Variants in TSPAN15 observed in about 807,000 individuals in gnomAD.
TSPAN15 encodes the protein tetraspanin 15, also known as tetraspanin-15.
Under a neutral mutation model 34.5 loss-of-function variants are expected in TSPAN15, and 20 were observed. That is an observed-to-expected ratio of 0.58 (90% CI 0.41 to 0.84). The LOEUF (loss-of-function observed/expected upper bound fraction) is 0.84, where lower values mean the gene tolerates loss of function less well. Ranked by LOEUF, TSPAN15 falls within the 40% of genes least tolerant of loss-of-function variation. The pLI, the probability that TSPAN15 is intolerant of heterozygous loss-of-function variation, is 0.00. For missense variants in TSPAN15, 313 were observed against 386.1 expected (o/e 0.81, Z 1.59); for synonymous variants, 155 against 153.9 (o/e 1.01, Z -0.05).
At chr10:69,539,473 A>G in the TSPAN15 span, among the ~76,000 whole-genome samples, 48 of 61,666 alleles carry the variant, frequency 7.8e-4, 2 homozygotes, top group African/African-American at 2.8e-3. Flanking sequence ...GGAGAAGGAG[A>G]AGGAGAAGGA....
the TSPAN15 span, among the ~76,000 whole-genome samples, chr10:69,530,818 CTCTATATATATATATATATATA>C: frequency 1.9e-4 from 8 of 42,560 alleles, no homozygotes; most frequent in African/African-American, 7.4e-4. Context: ...CTCTCTCTCT[CTCTATATATATATATATATATA>C]TATATATATA....
intron 5 of TSPAN15, among the ~76,000 whole-genome samples, chr10:69,503,719 C>T (rs1231212948): frequency 6.6e-6 from 1 of 152,098 alleles, no homozygotes; most frequent in Non-Finnish European, 1.5e-5. Context: ...ATGGGCTGGA[C>T]CAGGAAGTCT....
chr10:69,458,120 C>T (rs754999994), intron 1 of TSPAN15, among the ~76,000 whole-genome samples: 3 of 152,166 alleles, frequency 2.0e-5, no homozygotes, highest in East Asian at 3.9e-4. Flanking sequence ...CCTTTCCAGG[C>T]GCCATGTATG....
chr10:69,496,263 T>A (rs1589649707), intron 4 of TSPAN15, among the ~76,000 whole-genome samples: 1 of 151,434 alleles, frequency 6.6e-6, no homozygotes, highest in East Asian at 1.9e-4. Flanking sequence ...GTGATGATGA[T>A]CCTATTCCTT....
intron 4 of TSPAN15, among the ~76,000 whole-genome samples, chr10:69,498,049 A>G (rs1318199254): frequency 6.6e-6 from 1 of 152,088 alleles, no homozygotes; most frequent in African/African-American, 2.4e-5. Context: ...ATATCCCACC[A>G]AGAGGCAGCC....
the TSPAN15 span, among the ~76,000 whole-genome samples, chr10:69,521,719 G>A: frequency 6.8e-6 from 1 of 147,544 alleles, no homozygotes. Flanking sequence ...CTATCTCTTG[G>A]CCTTTTAGAC....
chr10:69,503,620 C>T (rs1842255485), intron 5 of TSPAN15, among the ~76,000 whole-genome samples: 1 of 152,162 alleles, frequency 6.6e-6, no homozygotes, highest in Admixed American at 6.5e-5. Flanking sequence ...GGGGGCTCTG[C>T]TGTTGCCCTC....
At chr10:69,537,315 A>G in the TSPAN15 span, among the ~76,000 whole-genome samples, 1 of 152,248 alleles carries the variant, frequency 6.6e-6, no homozygotes, top group African/African-American at 2.4e-5. Context: ...AAAATATAAT[A>G]TCTGAAGTCT....
At chr10:69,478,942 T>C (rs1241673833) in intron 1 of TSPAN15, among the ~76,000 whole-genome samples, 3 of 152,190 alleles carry the variant, frequency 2.0e-5, no homozygotes, top group African/African-American at 7.2e-5. Context: ...ACTACTTCAG[T>C]TTGTTGCCCA....
rs1004034511 is a variant in TSPAN15 at position 69,487,896 on chromosome 10, G to A, written c.357+2681G>A. Among the ~76,000 whole-genome samples the A allele has an allele frequency of 6.6e-5, 10 of 152,216 alleles. No individual in the cohort carries two copies. In the East Asian group the frequency reaches 1.9e-3, roughly 29 times the overall value. On this transcript the variant is annotated intron_variant, in intron 3 of 7. Coordinates refer to ENST00000373290, the MANE Select transcript of TSPAN15 (RefSeq NM_012339.5). ...GAAGGGTGCTCCTTCCCCTTGGGTGGTGTCCCCTCATGGGTAGGGCCTTGG... is the reference window on the plus strand; with the variant it reads ...GAAGGGTGCTCCTTCCCCTTGGGTGATGTCCCCTCATGGGTAGGGCCTTGG...
chr10:69,477,483 G>A (rs769523951), intron 1 of TSPAN15, among the ~76,000 whole-genome samples: 48 of 152,156 alleles, frequency 3.2e-4, no homozygotes, highest in Non-Finnish European at 5.0e-4. Flanking sequence ...CAGCACCAGC[G>A]AGAGATGCTC....
At chr10:69,498,472 C>T (rs1257889823) in intron 5 of TSPAN15, 76 bp downstream of exon 5, 8 of 1,252,922 alleles carry the variant, frequency 6.4e-6, no homozygotes, top group Non-Finnish European at 9.2e-6. Context: ...TTCTCTCTTC[C>T]CAACTTGAAG....
At chr10:69,464,841 C>A (rs1443999030) in intron 1 of TSPAN15, among the ~76,000 whole-genome samples, 2 of 152,216 alleles carry the variant, frequency 1.3e-5, no homozygotes, top group Admixed American at 6.5e-5. Context: ...GCAGGGGGGA[C>A]AATGGACACT....
the TSPAN15 span, among the ~76,000 whole-genome samples, chr10:69,522,316 C>T: frequency 9.3e-5 from 12 of 129,132 alleles, 1 homozygote; most frequent in Non-Finnish European, 1.7e-4. Context: ...GAGCAGTGAG[C>T]GCAGTGGCAT....
intron 1 of TSPAN15, among the ~76,000 whole-genome samples, chr10:69,477,595 C>T (rs894879542): frequency 3.3e-5 from 5 of 152,216 alleles, no homozygotes; most frequent in East Asian, 1.9e-4. Context: ...ACCAGGGCCC[C>T]GTTTCAAGAG....
chr10:69,486,076 G>C (rs1428750467), intron 3 of TSPAN15, among the ~76,000 whole-genome samples: 4 of 152,186 alleles, frequency 2.6e-5, no homozygotes, highest in Non-Finnish European at 5.9e-5. Context: ...CGAGTTACTT[G>C]GCCTCTTGGA....
chr10:69,451,727 G>T (rs1213380647), intron 1 of TSPAN15, 37 bp downstream of exon 1: 1 of 1,398,548 alleles, frequency 7.2e-7, no homozygotes, highest in African/African-American at 1.5e-5. Context: ...ATGGGGGTGG[G>T]GACCCACAAT....
chr10:69,494,464 G>A (rs1004171989), intron 3 of TSPAN15, among the ~76,000 whole-genome samples: 6 of 152,210 alleles, frequency 3.9e-5, no homozygotes, highest in African/African-American at 1.4e-4. Context: ...TTGCAGGTGA[G>A]CAAACAGAGG....
chr10:69,518,564 C>G, the TSPAN15 span, among the ~76,000 whole-genome samples: 8 of 152,330 alleles, frequency 5.3e-5, 1 homozygote, highest in East Asian at 1.4e-3. Context: ...GCTGGGACTA[C>G]AGGCGCACAC....
Sources: allele counts gnomAD v4.1 joint callset (sites outside exome capture counted in the v4.1 genomes callset), GRCh38; gene constraint gnomAD v4.1.1; transcripts MANE v1.5; gene names NCBI Gene and HGNC (gene_info 2026-07-23, HGNC 2026-07-21).